ARHGAP44: variants seen among roughly 807,000 people sequenced by gnomAD.
The protein encoded by ARHGAP44 is rho GTPase-activating protein 44.
A neutral mutation model predicts 106.8 loss-of-function variants in ARHGAP44; 43 were observed. The observed-to-expected ratio is 0.40, with a 90% CI of 0.32 to 0.52. The LOEUF is 0.52. Among genes scored for constraint, ARHGAP44 ranks in the 20% least tolerant of loss-of-function variants. The probability of loss-of-function intolerance (pLI) is 0.48; values close to 1 mark genes in which losing one functional copy is unlikely to be tolerated. For missense variants in ARHGAP44, 866 were observed against 1,050.5 expected (o/e 0.82, Z 2.43); for synonymous variants, 439 against 410.3 (o/e 1.07, Z -0.85).
intron 17 of ARHGAP44, chr17:12,973,594 A>G (rs2039582959): frequency 3.7e-6 from 2 of 534,132 alleles, no homozygotes; most frequent in Non-Finnish European, 6.6e-6. Context: ...GCTAGACTCC[A>G]AGTTACAAAA....
chr17:12,875,681 C>T (rs1053489078), intron 1 of ARHGAP44, among the ~76,000 whole-genome samples: 7 of 151,994 alleles, frequency 4.6e-5, no homozygotes, highest in Non-Finnish European at 1.0e-4. Flanking sequence ...CAGTGGCTCA[C>T]GCCTGTAATC....
intron 16 of ARHGAP44, among the ~76,000 whole-genome samples, chr17:12,966,634 G>A (rs1412378817): frequency 1.3e-5 from 2 of 152,212 alleles, no homozygotes; most frequent in Non-Finnish European, 2.9e-5. Flanking sequence ...TCATCTTACA[G>A]TCCCTGAATG....
chr17:12,983,264 TAAAAAAA>T (rs56038306), intron 19 of ARHGAP44, among the ~76,000 whole-genome samples: 2 of 95,822 alleles, frequency 2.1e-5, no homozygotes, highest in African/African-American at 8.2e-5. Flanking sequence ...GACTCCATCT[TAAAAAAA>T]AAAAAAAAAA....
intron 16 of ARHGAP44, among the ~76,000 whole-genome samples, chr17:12,970,218 T>G (rs530872062): frequency 1.3e-5 from 2 of 151,870 alleles, no homozygotes; most frequent in South Asian, 4.2e-4. Context: ...TTATGAAAAT[T>G]AGCCAGATGT....
At chr17:12,791,039 G>A (rs1364298433) in intron 1 of ARHGAP44, among the ~76,000 whole-genome samples, 5 of 152,132 alleles carry the variant, frequency 3.3e-5, no homozygotes, top group African/African-American at 1.2e-4. Flanking sequence ...CTGGTAGGAT[G>A]GGGGTGGGGA....
Position 12,990,297 on chromosome 17 carries a change from G to T in ARHGAP44, c.*126G>T. 7.6e-7 allele frequency: 1 copy of T among 1,312,892 alleles called. No homozygotes were observed. Among genetic ancestry groups the T allele is most frequent in the Non-Finnish European group, 1.0e-6 (1 of 976,498 alleles). 81.3% of individuals were successfully genotyped at this position (1,312,892 alleles called of 1,614,324 possible). ...TCTTTCCTGCCACTGCCAACACGAG[G>T]TTGGAATTTGGCAGAAAATTGTGAT... is the stretch of plus-strand genomic sequence containing the variant. On this transcript the variant is annotated 3_prime_UTR_variant, in exon 21 of 21. Coordinates refer to ENST00000379672, the MANE Select transcript of ARHGAP44 (RefSeq NM_014859.6).
At chr17:12,960,453 CTA>C (rs2039234293) in intron 16 of ARHGAP44, among the ~76,000 whole-genome samples, 1 of 151,960 alleles carries the variant, frequency 6.6e-6, no homozygotes, top group South Asian at 2.1e-4. Context: ...GTAATCCCAG[CTA>C]CTCAGGAGGC....
At chr17:12,888,413 T>A (rs2036944329) in intron 1 of ARHGAP44, among the ~76,000 whole-genome samples, 1 of 152,210 alleles carries the variant, frequency 6.6e-6, no homozygotes, top group East Asian at 1.9e-4. Context: ...CTGCTGTTAC[T>A]GATTTCTCAT....
intron 18 of ARHGAP44, 48 bp from the exon 19 acceptor site, chr17:12,980,010 C>T (rs1365423781): frequency 6.5e-7 from 1 of 1,535,110 alleles, no homozygotes; most frequent in South Asian, 1.3e-5. Context: ...GGTGCTGCCG[C>T]TCACTGAGTT....
intron 7 of ARHGAP44, among the ~76,000 whole-genome samples, chr17:12,931,245 T>C (rs1223240268): frequency 6.6e-6 from 1 of 151,862 alleles, no homozygotes; most frequent in Non-Finnish European, 1.5e-5. Context: ...CTAATTTTTA[T>C]ATTTTTAATA....
At chr17:12,912,214 T>C (rs2037758251) in intron 4 of ARHGAP44, among the ~76,000 whole-genome samples, 1 of 152,008 alleles carries the variant, frequency 6.6e-6, no homozygotes, top group Non-Finnish European at 1.5e-5. Flanking sequence ...GTCCATGAAA[T>C]GAAAAACAGG....
chr17:12,854,148 A>G (rs1447924757), intron 1 of ARHGAP44, among the ~76,000 whole-genome samples: 1 of 152,158 alleles, frequency 6.6e-6, no homozygotes, highest in Non-Finnish European at 1.5e-5. Flanking sequence ...CCCTTCCCAG[A>G]TGACCTCAGT....
intron 1 of ARHGAP44, among the ~76,000 whole-genome samples, chr17:12,847,956 C>T (rs1251224959): frequency 6.6e-6 from 1 of 152,130 alleles, no homozygotes; most frequent in East Asian, 1.9e-4. Flanking sequence ...TAGGCTTGCC[C>T]CAACCCTGTC....
chr17:12,791,941 T>A (rs1239394195), intron 1 of ARHGAP44, among the ~76,000 whole-genome samples: 2 of 152,222 alleles, frequency 1.3e-5, no homozygotes, highest in Admixed American at 1.3e-4. Flanking sequence ...CAGTTCATGT[T>A]ACCTTGCTGC....
At chr17:12,987,288 C>A in intron 20 of ARHGAP44, 2 of 741,308 alleles carry the variant, frequency 2.7e-6, no homozygotes, top group Non-Finnish European at 4.2e-6. Context: ...CTTCCCCGGC[C>A]TCAGCAAGGA....
At chr17:12,952,371 A>T in intron 12 of ARHGAP44, 130 bp from the exon 13 acceptor site, 1 of 750,558 alleles carries the variant, frequency 1.3e-6, no homozygotes, top group Non-Finnish European at 2.2e-6. Flanking sequence ...CCAAATTTTT[A>T]AATACTAGCT....
chr17:12,825,319 G>A (rs1260845160), intron 1 of ARHGAP44, among the ~76,000 whole-genome samples: 1 of 145,674 alleles, frequency 6.9e-6, no homozygotes, highest in Non-Finnish European at 1.5e-5. Flanking sequence ...ATTACAGCAT[G>A]AGCCACTGCT....
rs932108035 is a variant in ARHGAP44, at chr17:12,990,989, G to A, written c.*818G>A. The A allele has an allele frequency of 1.3e-5, 2 of 152,662 alleles. No individual in the cohort carries two copies. Among genetic ancestry groups the A allele is most frequent in the African/African-American group, 4.8e-5 (2 of 41,470 alleles). 9.5% of individuals were successfully genotyped at this position (152,662 alleles called of 1,614,324 possible). ...CTAAAGGCACCCAGTTCACTAGTCT[G>A]TGGGGTCCTGGAGCCTGTCTCTTCT... is the stretch of plus-strand genomic sequence containing the variant. On this transcript the variant is annotated 3_prime_UTR_variant, in exon 21 of 21. Transcript: ENST00000379672.
intron 1 of ARHGAP44, among the ~76,000 whole-genome samples, chr17:12,873,715 T>C (rs1343516806): frequency 6.6e-6 from 1 of 151,970 alleles, no homozygotes; most frequent in African/African-American, 2.4e-5. Flanking sequence ...CTGGCCAACA[T>C]GGTGAAAGCC....
Sources: gnomAD v4.1 joint callset for allele counts (sites outside exome capture counted in the v4.1 genomes callset) on GRCh38, gnomAD v4.1.1 for gene constraint, MANE v1.5 for transcripts, NCBI Gene and HGNC (gene_info 2026-07-23, HGNC 2026-07-21) for gene names.